BANK1: variants seen among roughly 807,000 people sequenced by gnomAD.
BANK1 encodes B cell scaffold protein with ankyrin repeats 1.
A neutral mutation model predicts 94.5 loss-of-function variants in BANK1; 95 were observed. The ratio of observed to expected loss-of-function variants is 1.00; its 90% CI spans 0.85 to 1.19. The LOEUF is 1.19. Among genes scored for constraint, BANK1 ranks in the 50% most tolerant of loss-of-function variants. The probability of loss-of-function intolerance (pLI) is 0.00; values close to 1 mark genes in which losing one functional copy is unlikely to be tolerated. For missense variants in BANK1, 987 were observed against 932.2 expected (o/e 1.06, Z -0.77); for synonymous variants, 334 against 308.4 (o/e 1.08, Z -0.87).
At chr4:101,989,636 C>T (rs1725633694) in intron 7 of BANK1, among the ~76,000 whole-genome samples, 2 of 151,058 alleles carry the variant, frequency 1.3e-5, no homozygotes, top group Non-Finnish European at 3.0e-5. Flanking sequence ...TCATCTGGGA[C>T]AGCTTTTTTT....
chr4:102,021,551 A>G lies in BANK1; in HGVS notation c.1244A>G (p.Asp415Gly). The change falls in exon 8 of 17, where the codon GAT becomes GGT. Residue 415 changes from aspartate (D) to glycine (G), a missense_variant. Coordinates refer to ENST00000322953, the MANE Select transcript of BANK1 (RefSeq NM_017935.5). ...EIDINNEQEN[D>G]YEEDIASFST... is the part of the protein sequence containing the mutation. ...GACATAAATAATGAGCAAGAAAATG[A>G]TTATGAAGAGGATATTGCCTCATTT... The G allele has an allele frequency of 6.8e-7, 1 of 1,469,558 alleles. No homozygotes were observed. Among genetic ancestry groups the G allele is most frequent in the Non-Finnish European group, 9.2e-7 (1 of 1,091,154 alleles). The allele number at this position is 1,469,558 out of a possible 1,614,324, so 91.0% of individuals were successfully genotyped here. A position where few individuals can be genotyped will look rare whatever the true frequency, so the allele number is the denominator to read the frequency against.
At chr4:102,051,977 T>A (rs1279574609) in intron 11 of BANK1, among the ~76,000 whole-genome samples, 3 of 152,154 alleles carry the variant, frequency 2.0e-5, no homozygotes, top group Admixed American at 2.0e-4. Context: ...AATCCTGGGA[T>A]CTTGAGTTGC....
At chr4:102,043,475 C>A (rs1458619239) in intron 10 of BANK1, among the ~76,000 whole-genome samples, 1 of 152,006 alleles carries the variant, frequency 6.6e-6, no homozygotes, top group Non-Finnish European at 1.5e-5. Flanking sequence ...AAAAAGTCAG[C>A]ATGGGTAATT....
chr4:101,917,832 G>A (rs887907779), intron 6 of BANK1, among the ~76,000 whole-genome samples, 161 bp from the exon 7 acceptor site: 1 of 151,808 alleles, frequency 6.6e-6, no homozygotes, highest in South Asian at 2.1e-4. Flanking sequence ...GTAATTGAGC[G>A]AGGGGAAGAT....
intron 11 of BANK1, among the ~76,000 whole-genome samples, chr4:102,054,158 T>C (rs923643419): frequency 6.9e-6 from 1 of 145,280 alleles, no homozygotes; most frequent in African/African-American, 2.6e-5. Context: ...AGATATTATT[T>C]TCCTTTTTAA....
At chr4:101,928,870 A>C (rs1051813939) in intron 7 of BANK1, among the ~76,000 whole-genome samples, 1 of 151,634 alleles carries the variant, frequency 6.6e-6, no homozygotes, top group African/African-American at 2.4e-5. Context: ...ATTGGGTTAG[A>C]AACTTTATGC....
intron 1 of BANK1, among the ~76,000 whole-genome samples, chr4:101,800,394 CTTTTTTTG>C (rs1725320720): frequency 6.6e-6 from 1 of 150,860 alleles, no homozygotes; most frequent in African/African-American, 2.4e-5. Context: ...TTCCTTTTTT[CTTTTTTTG>C]TTTTTTTGGT....
rs117387826 is a variant in BANK1 at position 101,987,893 on chromosome 4, G to A, written c.1207-33621G>A. 8.5e-5 allele frequency among the ~76,000 whole-genome samples: 13 copies of A among 152,248 alleles called. No individual in the cohort carries two copies. The East Asian group carries it at 1.4e-3, about 16-fold the overall frequency. ...CGAAACATGAGTAGCAGTCATGTGC[G>A]TTGCCTGTGGGAGAAAGCATGAAAA... On this transcript the variant is annotated intron_variant, in intron 7 of 16. Transcript: ENST00000322953.
At chr4:102,010,234 C>T (rs981345791) in intron 7 of BANK1, among the ~76,000 whole-genome samples, 2 of 151,954 alleles carry the variant, frequency 1.3e-5, no homozygotes, top group Non-Finnish European at 2.9e-5. Flanking sequence ...CACTGCACTC[C>T]AGCCTGGGCG....
At chr4:101,816,758 T>C (rs1725933396) in intron 1 of BANK1, among the ~76,000 whole-genome samples, 1 of 152,174 alleles carries the variant, frequency 6.6e-6, no homozygotes, top group South Asian at 2.1e-4. Flanking sequence ...ATATTATTTC[T>C]TACAACCAAA....
intron 7 of BANK1, among the ~76,000 whole-genome samples, chr4:101,979,815 C>T (rs1725267499): frequency 6.6e-6 from 1 of 151,826 alleles, no homozygotes; most frequent in East Asian, 1.9e-4. Context: ...AAGATTAGTG[C>T]CCAATTTCTT....
intron 7 of BANK1, among the ~76,000 whole-genome samples, chr4:102,018,872 G>A (rs2148945676): frequency 6.8e-6 from 1 of 147,122 alleles, no homozygotes; most frequent in South Asian, 2.1e-4. Flanking sequence ...AGGCTGGAGT[G>A]CAGTGGTGCG....
chr4:101,802,044 G>C (rs1479132154), intron 1 of BANK1, among the ~76,000 whole-genome samples: 1 of 152,176 alleles, frequency 6.6e-6, no homozygotes, highest in African/African-American at 2.4e-5. Context: ...CTTGGAAAAT[G>C]CAATATTTGG....
At chr4:101,870,141 A>G (rs994976156) in intron 4 of BANK1, among the ~76,000 whole-genome samples, 26 of 152,014 alleles carry the variant, frequency 1.7e-4, no homozygotes, top group African/African-American at 6.3e-4. Context: ...TAAATAATAA[A>G]TACCTAACTT....
chr4:101,854,245 ATAG>A (rs1727598164), intron 2 of BANK1, among the ~76,000 whole-genome samples: 1 of 152,204 alleles, frequency 6.6e-6, no homozygotes, highest in Non-Finnish European at 1.5e-5. Context: ...GTTCTGTGCC[ATAG>A]TGAAACATTT....
intron 5 of BANK1, among the ~76,000 whole-genome samples, chr4:101,889,846 A>AT (rs1721785771): frequency 1.3e-5 from 2 of 152,028 alleles, no homozygotes; most frequent in South Asian, 4.1e-4. Context: ...TGTTCCAAAA[A>AT]TTTTGATATG....
chr4:101,954,212 T>C (rs1367719457), intron 7 of BANK1, among the ~76,000 whole-genome samples: 2 of 152,188 alleles, frequency 1.3e-5, no homozygotes, highest in Admixed American at 6.5e-5. Flanking sequence ...CATTCTCATC[T>C]GGTATGACCT....
At chr4:101,820,544 G>T (rs1410564404) in intron 1 of BANK1, among the ~76,000 whole-genome samples, 1 of 152,114 alleles carries the variant, frequency 6.6e-6, no homozygotes. Context: ...TGTCATGGGG[G>T]TCTGTTGTAC....
intron 7 of BANK1, among the ~76,000 whole-genome samples, chr4:101,950,052 T>C (rs866177972): frequency 2.2e-4 from 26 of 117,976 alleles, no homozygotes; most frequent in Admixed American, 1.7e-3. Context: ...TGTGTGTGTG[T>C]GTGTGTGTGC....
Sources: allele counts gnomAD v4.1 joint callset (sites outside exome capture counted in the v4.1 genomes callset), GRCh38; gene constraint gnomAD v4.1.1; transcripts MANE v1.5; gene names NCBI Gene and HGNC (gene_info 2026-07-23, HGNC 2026-07-21).